Variants in MACROD2 observed in about 807,000 individuals in gnomAD.
MACROD2 encodes the protein ADP-ribose glycohydrolase MACROD2.
MACROD2 carries 36 observed loss-of-function variants against 70.4 expected under a neutral mutation model. The ratio of observed to expected loss-of-function variants is 0.51; its 90% CI spans 0.39 to 0.68. The LOEUF (loss-of-function observed/expected upper bound fraction) is 0.68. Ranked by LOEUF, MACROD2 falls within the 30% of genes least tolerant of loss-of-function variation. MACROD2 has a pLI of 0.00. For synonymous variants in MACROD2, 172 were observed against 178.8 expected (o/e 0.96, Z 0.30); for missense variants, 496 against 538.4 (o/e 0.92, Z 0.78).
chr20:15,542,545 A>T (rs1254988469), intron 8 of MACROD2, among the ~76,000 whole-genome samples: 1 of 152,282 alleles, frequency 6.6e-6, no homozygotes. Flanking sequence ...CCTTGGAAGG[A>T]GGTAAGGCTT....
intron 7 of MACROD2, 64 bp downstream of exon 7, chr20:15,431,499 A>G: frequency 6.8e-7 from 1 of 1,479,886 alleles, no homozygotes; most frequent in Non-Finnish European, 9.4e-7. Context: ...GCAGAGATTC[A>G]GTGAAAAAAT....
chr20:15,760,074 C>T (rs1460964308), intron 8 of MACROD2, among the ~76,000 whole-genome samples: 2 of 152,134 alleles, frequency 1.3e-5, no homozygotes, highest in East Asian at 3.9e-4. Context: ...AAAGATCAAC[C>T]CCACGTGAGC....
intron 5 of MACROD2, among the ~76,000 whole-genome samples, chr20:14,702,088 T>C (rs1180037770): frequency 6.6e-6 from 1 of 152,182 alleles, no homozygotes; most frequent in East Asian, 1.9e-4. Flanking sequence ...TTCATCTTAT[T>C]GATATGTTTC....
chr20:15,887,958 C>T (rs2064843006), intron 10 of MACROD2, among the ~76,000 whole-genome samples: 1 of 152,146 alleles, frequency 6.6e-6, no homozygotes, highest in South Asian at 2.1e-4. Flanking sequence ...TGGCTAGTGG[C>T]TACAGTATTG....
intron 5 of MACROD2, among the ~76,000 whole-genome samples, chr20:14,948,411 A>G (rs1272637567): frequency 6.6e-6 from 1 of 152,176 alleles, no homozygotes; most frequent in Non-Finnish European, 1.5e-5. Context: ...TTTTGGCTTT[A>G]ACAGTGGGTG....
At chr20:15,150,474 GA>G (rs1568602809) in intron 5 of MACROD2, among the ~76,000 whole-genome samples, 1 of 152,016 alleles carries the variant, frequency 6.6e-6, no homozygotes. Flanking sequence ...TAAAATGGGG[GA>G]ATTGTAAGGA....
In MACROD2 at chr20:14,579,366, C is replaced by A. The variant is rs1357793486; in HGVS notation, c.301+85858C>A. Among the ~76,000 whole-genome samples the A allele has an allele frequency of 2.6e-5, 4 of 151,810 alleles. No individual in the cohort carries two copies. In the South Asian group the frequency reaches 6.2e-4, roughly 24 times the overall value. Reference sequence around the variant, plus strand: ...CCTTGTTAGCCAGGATGGTCTCGATCTCCTGACCTCATGATCCACCCGCCT... The same window carrying A: ...CCTTGTTAGCCAGGATGGTCTCGATATCCTGACCTCATGATCCACCCGCCT... On this transcript the variant is annotated intron_variant, in intron 4 of 17. Coordinates refer to ENST00000684519, the MANE Select transcript of MACROD2 (RefSeq NM_001351661.2).
At chr20:15,969,582 A>C (rs1235646372) in intron 13 of MACROD2, among the ~76,000 whole-genome samples, 2 of 152,206 alleles carry the variant, frequency 1.3e-5, no homozygotes, top group Non-Finnish European at 2.9e-5. Flanking sequence ...TGAACATCAT[A>C]TTAGACACAG....
intron 3 of MACROD2, among the ~76,000 whole-genome samples, chr20:14,317,671 A>G (rs1338616795): frequency 1.3e-5 from 2 of 151,562 alleles, no homozygotes; most frequent in East Asian, 3.9e-4. Flanking sequence ...CATAATCTTC[A>G]TGTCTTTTTG....
chr20:14,931,577 A>T (rs193272), intron 5 of MACROD2, among the ~76,000 whole-genome samples: 74,821 of 151,976 alleles, frequency 0.49, 19,148 homozygotes, highest in South Asian at 0.71. Flanking sequence ...TGTGATGCAT[A>T]TTGGTAAACG....
intron 7 of MACROD2, among the ~76,000 whole-genome samples, chr20:15,485,412 C>T (rs968759642): frequency 2.0e-5 from 3 of 152,042 alleles, no homozygotes; most frequent in African/African-American, 7.2e-5. Flanking sequence ...AACTTCTTTT[C>T]CTGCCCCAGC....
At chr20:14,720,933 A>C (rs1363807657) in intron 5 of MACROD2, among the ~76,000 whole-genome samples, 1 of 152,090 alleles carries the variant, frequency 6.6e-6, no homozygotes, top group Non-Finnish European at 1.5e-5. Flanking sequence ...TTAGATAAAA[A>C]GTATGTTGAA....
intron 5 of MACROD2, among the ~76,000 whole-genome samples, chr20:14,871,249 GT>G (rs1213682071): frequency 2.0e-5 from 3 of 152,058 alleles, no homozygotes; most frequent in Admixed American, 6.6e-5. Flanking sequence ...AGAAAAAAAT[GT>G]TAAAGGCAGC....
At chr20:14,190,699 T>TATATATATATATATA (rs1491544961) in intron 3 of MACROD2, among the ~76,000 whole-genome samples, 1 of 15,708 alleles carries the variant, frequency 6.4e-5, no homozygotes, top group African/African-American at 1.8e-4. Flanking sequence ...TATATATATA[T>TATATATATATATATA]TTTTTTTTTT....
At chr20:14,489,237 A>T (rs2084767375) in intron 3 of MACROD2, among the ~76,000 whole-genome samples, 1 of 152,122 alleles carries the variant, frequency 6.6e-6, no homozygotes, top group African/African-American at 2.4e-5. Context: ...CATTCTGTTG[A>T]TTTTGTTTGG....
chr20:15,603,925 T>C (rs2048858761), intron 8 of MACROD2, among the ~76,000 whole-genome samples: 1 of 152,240 alleles, frequency 6.6e-6, no homozygotes, highest in African/African-American at 2.4e-5. Context: ...AATTGAACTT[T>C]GGAATAACTC....
At chr20:14,803,628 GCACCACCA>G (rs1476051924) in intron 5 of MACROD2, among the ~76,000 whole-genome samples, 1 of 151,790 alleles carries the variant, frequency 6.6e-6, no homozygotes, top group African/African-American at 2.4e-5. Flanking sequence ...TTACAGGTGT[GCACCACCA>G]CACCTGGCTA....
At chr20:14,457,027 G>A (rs767656017) in intron 3 of MACROD2, among the ~76,000 whole-genome samples, 3 of 151,866 alleles carry the variant, frequency 2.0e-5, no homozygotes, top group Non-Finnish European at 2.9e-5. Context: ...TCCCTAATAC[G>A]CCTCTACTTT....
At chr20:14,591,719 G>A (rs1408260996) in intron 4 of MACROD2, among the ~76,000 whole-genome samples, 1 of 152,202 alleles carries the variant, frequency 6.6e-6, no homozygotes, top group Non-Finnish European at 1.5e-5. Context: ...TTATAAGACA[G>A]GTTCTGCAGA....
Sources: gnomAD v4.1 joint callset for allele counts (sites outside exome capture counted in the v4.1 genomes callset) on GRCh38, gnomAD v4.1.1 for gene constraint, MANE v1.5 for transcripts, NCBI Gene and HGNC (gene_info 2026-07-23, HGNC 2026-07-21) for gene names.